Variants in GRID1 observed in about 807,000 individuals in gnomAD.
GRID1 encodes glutamate receptor ionotropic, delta-1.
A neutral mutation model predicts 98.0 loss-of-function variants in GRID1; 28 were observed. The ratio of observed to expected loss-of-function variants is 0.29; its 90% CI spans 0.21 to 0.39. The LOEUF is 0.39. Ranked by LOEUF, GRID1 falls within the 10% of genes least tolerant of loss-of-function variation. GRID1 has a pLI of 1.00. For missense variants in GRID1, 1,111 were observed against 1,340.5 expected (o/e 0.83, Z 2.67); for synonymous variants, 553 against 538.5 (o/e 1.03, Z -0.37).
At chr10:86,263,429 G>C (rs960061137) in intron 2 of GRID1, among the ~76,000 whole-genome samples, 1 of 152,156 alleles carries the variant, frequency 6.6e-6, no homozygotes, top group South Asian at 2.1e-4. Flanking sequence ...CCAACGGGAC[G>C]GTTCCCCAGA....
At chr10:85,777,053 T>G (rs1319904826) in intron 8 of GRID1, among the ~76,000 whole-genome samples, 2 of 152,212 alleles carry the variant, frequency 1.3e-5, no homozygotes, top group African/African-American at 4.8e-5. Flanking sequence ...TACTTCCCAG[T>G]GTAATGGGAA....
intron 3 of GRID1, among the ~76,000 whole-genome samples, chr10:86,189,259 G>A (rs568159273): frequency 6.6e-6 from 1 of 152,102 alleles, no homozygotes; most frequent in African/African-American, 2.4e-5. Context: ...GGCCTCCTAG[G>A]CTAGTGATGG....
chr10:85,619,930 C>T lies in GRID1; in HGVS notation c.2297G>A (p.Ser766Asn). ...CSVTVIGNSI[S>N]SKGYGIALQH... ...CAGGGCAATCCCGTAACCCTTGCTG[C>T]TGATGCTGTTGCCGATGACAGTCAC... Residue 766 changes from serine to asparagine, a missense_variant, in exon 14 of 16, where the codon AGC (serine) becomes AAC (asparagine). Around this residue, in one of 3 missense-constraint regions of GRID1, gnomAD observed 762 missense variants for 869.1 expected, o/e 0.88. Coordinates refer to ENST00000327946, the MANE Select transcript of GRID1 (RefSeq NM_017551.3). 6.2e-7 allele frequency: 1 copy of T among 1,614,202 alleles called. No individual in the cohort carries two copies. Among genetic ancestry groups the T allele is most frequent in the Non-Finnish European group, 8.5e-7 (1 of 1,180,006 alleles).
intron 4 of GRID1, among the ~76,000 whole-genome samples, chr10:86,008,777 ATATTTTGC>A (rs1229599132): frequency 6.6e-6 from 1 of 152,236 alleles, no homozygotes; most frequent in African/African-American, 2.4e-5. Context: ...AACATCTCCC[ATATTTTGC>A]TGGTAGAAGA....
chr10:86,169,254 T>TA (rs1845445919), intron 3 of GRID1, among the ~76,000 whole-genome samples: 1 of 152,118 alleles, frequency 6.6e-6, no homozygotes, highest in African/African-American at 2.4e-5. Context: ...GCCAAACAGA[T>TA]AGAGAATGAG....
chr10:85,854,683 G>C, intron 7 of GRID1, 68 bp from the exon 8 acceptor site: 1 of 1,549,396 alleles, frequency 6.5e-7, no homozygotes, highest in Non-Finnish European at 8.9e-7. Flanking sequence ...CAAAGGCTAA[G>C]AGGAGCAAGG....
At chr10:85,665,065 T>C (rs1044444956) in intron 12 of GRID1, among the ~76,000 whole-genome samples, 1 of 152,232 alleles carries the variant, frequency 6.6e-6, no homozygotes, top group African/African-American at 2.4e-5. Context: ...TACGTCATTA[T>C]TAGAACTATT....
intron 4 of GRID1, among the ~76,000 whole-genome samples, chr10:86,050,765 AAACTAT>A (rs1386022781): frequency 6.6e-6 from 1 of 152,180 alleles, no homozygotes; most frequent in Non-Finnish European, 1.5e-5. Flanking sequence ...GGTTTTCCCT[AAACTAT>A]AATAACTTAT....
intron 4 of GRID1, among the ~76,000 whole-genome samples, chr10:86,113,559 C>T (rs144307789): frequency 4.6e-5 from 7 of 152,336 alleles, no homozygotes; most frequent in African/African-American, 1.7e-4. Context: ...GAACTCTTCA[C>T]CACATGATAT....
At chr10:85,649,984 C>A in intron 12 of GRID1, 1 of 152,234 alleles carries the variant, frequency 6.6e-6, no homozygotes, top group Admixed American at 6.5e-5. Flanking sequence ...ACAAAGGTTT[C>A]CAGGCTCACT....
At chr10:85,686,339 G>C (rs1398592571) in intron 12 of GRID1, among the ~76,000 whole-genome samples, 1 of 152,046 alleles carries the variant, frequency 6.6e-6, no homozygotes, top group African/African-American at 2.4e-5. Context: ...TCTATTTCAA[G>C]GTATGCATTA....
At chr10:86,321,193 T>A (rs1030391904) in intron 2 of GRID1, among the ~76,000 whole-genome samples, 3 of 151,744 alleles carry the variant, frequency 2.0e-5, no homozygotes, top group African/African-American at 7.3e-5. Context: ...AGAAATATTA[T>A]GCAGTCATTA....
chr10:85,864,771 A>G lies in GRID1; in HGVS notation c.951+4239T>C, dbSNP rs1366210155. 2.6e-5 allele frequency among the ~76,000 whole-genome samples: 4 copies of G among 152,256 alleles called. No individual in the cohort carries two copies. The East Asian group carries it at 7.7e-4, about 29-fold the overall frequency. On this transcript the variant is annotated intron_variant, in intron 6 of 15. Transcript: ENST00000327946. ...TGCAGCACAGAGGAGGAATGATTCA[A>G]TCAAGCCATTCGACAATTTTAAAAT...
At chr10:86,094,283 G>A (rs549123083) in intron 4 of GRID1, among the ~76,000 whole-genome samples, 82 of 152,292 alleles carry the variant, frequency 5.4e-4, no homozygotes, top group Admixed American at 3.6e-3. Context: ...CTGAGAACTG[G>A]AACAAGACAA....
At chr10:86,136,021 C>A (rs975410321) in intron 4 of GRID1, among the ~76,000 whole-genome samples, 5 of 152,188 alleles carry the variant, frequency 3.3e-5, no homozygotes, top group Non-Finnish European at 5.9e-5. Flanking sequence ...ACATTTACTC[C>A]TCCTTAACTG....
At chr10:85,873,860 T>C (rs1166767693) in intron 5 of GRID1, among the ~76,000 whole-genome samples, 1 of 152,216 alleles carries the variant, frequency 6.6e-6, no homozygotes, top group Non-Finnish European at 1.5e-5. Flanking sequence ...GGTACCCCAT[T>C]AGCTTTCCAG....
intron 4 of GRID1, among the ~76,000 whole-genome samples, chr10:86,005,146 A>G (rs1459263413): frequency 2.0e-5 from 3 of 152,184 alleles, no homozygotes; most frequent in African/African-American, 7.2e-5. Context: ...GATGCCATGA[A>G]TCCTGACAGC....
chr10:86,094,869 A>G (rs940423209), intron 4 of GRID1, among the ~76,000 whole-genome samples: 5 of 152,326 alleles, frequency 3.3e-5, no homozygotes, highest in Non-Finnish European at 5.9e-5. Flanking sequence ...TGGAACCAAA[A>G]AAGAGTCCAC....
At chr10:85,812,551 C>T (rs1842681040) in intron 8 of GRID1, among the ~76,000 whole-genome samples, 1 of 151,980 alleles carries the variant, frequency 6.6e-6, no homozygotes, top group African/African-American at 2.4e-5. Flanking sequence ...ACTTAAAAGA[C>T]ATAACTGGAA....
Sources: gnomAD v4.1 joint callset for allele counts (sites outside exome capture counted in the v4.1 genomes callset) on GRCh38, gnomAD v4.1.1 for gene constraint, gnomAD v4.1.1 regional missense constraint, MANE v1.5 for transcripts, NCBI Gene and HGNC (gene_info 2026-07-23, HGNC 2026-07-21) for gene names.